Variants in POLDIP3 observed in about 807,000 individuals in gnomAD.
POLDIP3 encodes DNA polymerase delta interacting protein 3, also known as polymerase delta-interacting protein 3.
Under a neutral mutation model 45.1 loss-of-function variants are expected in POLDIP3, and 14 were observed. That is an observed-to-expected ratio of 0.31 (90% confidence interval 0.20 to 0.49). The LOEUF (loss-of-function observed/expected upper bound fraction) is 0.49, where lower values mean the gene tolerates loss of function less well. POLDIP3 is among the 20% of genes least tolerant of loss of function. POLDIP3 has a pLI of 0.99. For synonymous variants in POLDIP3, 223 were observed against 205.2 expected, an observed-to-expected ratio of 1.09 and a Z score of -0.74; for missense variants, 511 against 538.8, an observed-to-expected ratio of 0.95 and a Z score of 0.51.
At chr22:42,608,417 T>C (rs984949066) in intron 1 of POLDIP3, among the ~76,000 whole-genome samples, 3 of 151,588 alleles carry the variant, frequency 2.0e-5, no homozygotes, top group Non-Finnish European at 4.4e-5. Flanking sequence ...AACAAGACCC[T>C]GTCTCAAAAA....
chr22:42,589,671 C>T (rs1469239075), intron 7 of POLDIP3, among the ~76,000 whole-genome samples: 1 of 151,832 alleles, frequency 6.6e-6, no homozygotes, highest in Non-Finnish European at 1.5e-5. Context: ...CAGTGAAACC[C>T]CATCTCTACG....
chr22:42,593,373 A>AT (rs751726051), intron 6 of POLDIP3, among the ~76,000 whole-genome samples: 12 of 152,156 alleles, frequency 7.9e-5, no homozygotes, highest in Non-Finnish European at 1.3e-4. Context: ...AGCGAGGGTG[A>AT]TTATTACTAG....
Position 42,584,253 on chromosome 22 carries a change from A to T in POLDIP3, c.*1538T>A, listed in dbSNP as rs549678730. 1 of 153,778 alleles carries T rather than the reference A, an allele frequency of 6.5e-6. No individual in the cohort carries two copies. Among genetic ancestry groups the T allele is most frequent in the East Asian group, 1.9e-4 (1 of 5,166 alleles). 9.5% of individuals were successfully genotyped at this position (153,778 alleles called of 1,614,324 possible). A position where few individuals can be genotyped will look rare whatever the true frequency, so the allele number is the denominator to read the frequency against. On this transcript the variant is annotated 3_prime_UTR_variant, in exon 9 of 9. Coordinates refer to ENST00000252115, the MANE Select transcript of POLDIP3 (RefSeq NM_032311.5). Reference sequence around the variant, plus strand: ...TGAAAGGGTTAGGAGAATAAAAAGCAGCATTCTTTAAAGAACTGCAAGTGG... The same window carrying T: ...TGAAAGGGTTAGGAGAATAAAAAGCTGCATTCTTTAAAGAACTGCAAGTGG...
intron 7 of POLDIP3, 134 bp downstream of exon 7, chr22:42,591,821 G>A: frequency 1.7e-6 from 2 of 1,179,126 alleles, no homozygotes; most frequent in Non-Finnish European, 2.4e-6. Flanking sequence ...AGACTGCACG[G>A]CAGTTCCTGG....
intron 8 of POLDIP3, 111 bp downstream of exon 8, chr22:42,587,395 G>A: frequency 8.7e-7 from 1 of 1,148,486 alleles, no homozygotes; most frequent in Non-Finnish European, 1.3e-6. Flanking sequence ...TTAGAACAGA[G>A]GAAACGGAAT....
intron 6 of POLDIP3, among the ~76,000 whole-genome samples, chr22:42,592,836 AT>A (rs1914205788): frequency 6.6e-6 from 1 of 152,198 alleles, no homozygotes; most frequent in Admixed American, 6.5e-5. Flanking sequence ...AGGGAGCAAA[AT>A]GTGAAGATGG....
At chr22:42,608,258 C>A (rs1190456556) in intron 1 of POLDIP3, among the ~76,000 whole-genome samples, 5 of 130,114 alleles carry the variant, frequency 3.8e-5, no homozygotes, top group Middle Eastern at 7.5e-3. Context: ...ACCTTACCCC[C>A]CCCCCCAAAA....
rs560937312 is a variant in POLDIP3, at chr22:42,608,108, T to C, written c.60-4948A>G. Among the ~76,000 whole-genome samples the C allele has an allele frequency of 7.9e-5, 12 of 152,308 alleles. No homozygotes were observed. In the South Asian group the frequency reaches 2.5e-3, roughly 32 times the overall value. On this transcript the variant is annotated intron_variant, in intron 1 of 8. Coordinates refer to ENST00000252115, the MANE Select transcript of POLDIP3 (RefSeq NM_032311.5). ...GGCCATGAAGACGATGGCGGTTTTG[T>C]CGAATAGAAAAGGGGGAAATGTGGG... is the stretch of plus-strand genomic sequence containing the variant.
intron 1 of POLDIP3, among the ~76,000 whole-genome samples, chr22:42,614,322 G>A (rs1275309840): frequency 2.0e-5 from 3 of 152,264 alleles, no homozygotes; most frequent in Non-Finnish European, 2.9e-5. Flanking sequence ...GTTAACAGGG[G>A]CCGCGTGCAG....
intron 5 of POLDIP3, 79 bp from the exon 6 acceptor site, chr22:42,595,693 G>A: frequency 2.3e-6 from 3 of 1,312,740 alleles, no homozygotes; most frequent in Non-Finnish European, 3.3e-6. Flanking sequence ...CCAGGCACGT[G>A]ACTAGGAAGG....
chr22:42,585,025 C>T lies in POLDIP3; in HGVS notation c.*766G>A. The T allele has an allele frequency of 4.4e-6, 2 of 456,062 alleles. No individual in the cohort carries two copies. The highest frequency in any genetic ancestry group is 8.8e-6 in the Non-Finnish European group (2 of 226,862). The allele number at this position is 456,062 out of a possible 1,614,324, so 28.3% of individuals were successfully genotyped here. A position where few individuals can be genotyped will look rare whatever the true frequency, so the allele number is the denominator to read the frequency against. ...GTGAGAACCGGGAGGGCTCACAACA[C>T]AGCCCCCTCCCAGCAAAGACACCCA... On this transcript the variant is annotated 3_prime_UTR_variant, in exon 9 of 9. Transcript: ENST00000252115.
chr22:42,592,111 T>C (rs137098), intron 6 of POLDIP3, 27 bp from the exon 7 acceptor site: 232,226 of 1,612,700 alleles, frequency 0.14, 18,469 homozygotes, highest in African/African-American at 0.31. Context: ...GGGTTGGGAT[T>C]GGGGAAGGAT....
At chr22:42,609,332 C>T (rs965155795) in intron 1 of POLDIP3, among the ~76,000 whole-genome samples, 1 of 152,222 alleles carries the variant, frequency 6.6e-6, no homozygotes, top group Non-Finnish European at 1.5e-5. Flanking sequence ...AGCTCTGCAA[C>T]TGCTTCCAGG....
intron 1 of POLDIP3, among the ~76,000 whole-genome samples, chr22:42,607,507 T>G (rs1926815527): frequency 1.3e-5 from 2 of 152,236 alleles, no homozygotes; most frequent in South Asian, 4.1e-4. Context: ...GTGCCGAGAT[T>G]GCAGCCTCTG....
At position 42,614,693 on chromosome 22, in the gene POLDIP3, G is replaced by A. The variant is rs1927367521; in HGVS notation, c.59+106C>T. The A allele has an allele frequency of 3.9e-6, 5 of 1,274,050 alleles. No homozygotes were observed. The East Asian group carries it at 7.6e-5, about 19-fold the overall frequency. The allele number at this position is 1,274,050 out of a possible 1,614,324, so 78.9% of individuals were successfully genotyped here. On this transcript the variant is annotated intron_variant, in intron 1 of 8. Transcript: ENST00000252115. Reference sequence around the variant, plus strand: ...ATGAGGAGCGCGGCTGTGGTCGGGGGCGGGCGCACCCGGTCCTCCGCGTCG... The same window carrying A: ...ATGAGGAGCGCGGCTGTGGTCGGGGACGGGCGCACCCGGTCCTCCGCGTCG...
intron 1 of POLDIP3, among the ~76,000 whole-genome samples, chr22:42,611,176 T>C (rs1295122621): frequency 6.6e-6 from 1 of 152,190 alleles, no homozygotes; most frequent in Non-Finnish European, 1.5e-5. Context: ...TCTTTCTTTT[T>C]TAAAGAGATG....
Position 42,608,008 on chromosome 22 carries a change from G to C in POLDIP3, c.60-4848C>G, listed in dbSNP as rs1286872161. 2.6e-5 allele frequency among the ~76,000 whole-genome samples: 4 copies of C among 151,418 alleles called. No homozygotes were observed. The East Asian group carries it at 7.8e-4, about 30-fold the overall frequency. On this transcript the variant is annotated intron_variant, in intron 1 of 8. Transcript: ENST00000252115. ...GGCGCCTCCACCCAGCCACCACCCC[G>C]TCTGGGAAGTGAGGAGCCCCTCTGC... is the stretch of plus-strand genomic sequence containing the variant.
In POLDIP3 at chr22:42,607,301, C is replaced by G. The variant is rs58566950; in HGVS notation, c.60-4141G>C. 2.6e-5 allele frequency among the ~76,000 whole-genome samples: 4 copies of G among 152,304 alleles called. No individual in the cohort carries two copies. The South Asian group carries it at 8.3e-4, about 32-fold the overall frequency. On this transcript the variant is annotated intron_variant, in intron 1 of 8. Coordinates refer to ENST00000252115, the MANE Select transcript of POLDIP3 (RefSeq NM_032311.5). ...TGGTTTTTGTATTTTTTGGTGGAGA[C>G]GGGGTTTCGCTGTGTTGGCCGGGCT...
chr22:42,599,658 T>C, intron 4 of POLDIP3, 40 bp downstream of exon 4: 1 of 1,442,950 alleles, frequency 6.9e-7, no homozygotes, highest in South Asian at 1.1e-5. Context: ...CCCACCTGCC[T>C]GATCAGACAC....
Sources: allele counts gnomAD v4.1 joint callset (sites outside exome capture counted in the v4.1 genomes callset), GRCh38; gene constraint gnomAD v4.1.1; transcripts MANE v1.5; gene names NCBI Gene and HGNC (gene_info 2026-07-23, HGNC 2026-07-21).